ABI2: variants seen among roughly 807,000 people sequenced by gnomAD.
The protein encoded by ABI2 is abelson interactor 2.
Under a neutral mutation model 59.2 loss-of-function variants are expected in ABI2, and 25 were observed. The ratio of observed to expected loss-of-function variants is 0.42; its 90% CI spans 0.31 to 0.59. ABI2 has a LOEUF of 0.59. Ranked by LOEUF, ABI2 falls within the 20% of genes least tolerant of loss-of-function variation. The probability of loss-of-function intolerance (pLI) is 0.14; values close to 1 mark genes in which losing one functional copy is unlikely to be tolerated. For synonymous variants in ABI2, 213 were observed against 235.5 expected (o/e 0.90, Z 0.87); for missense variants, 545 against 681.8 (o/e 0.80, Z 2.23).
chr2:203,358,392 T>TGGGC (rs1437848657), intron 1 of ABI2, among the ~76,000 whole-genome samples: 1 of 152,112 alleles, frequency 6.6e-6, no homozygotes, highest in Non-Finnish European at 1.5e-5. Flanking sequence ...AAGTGATTCT[T>TGGGC]CTGCCTTGTC....
intron 9 of ABI2, among the ~76,000 whole-genome samples, chr2:203,408,170 T>A (rs923112498): frequency 6.6e-6 from 1 of 152,010 alleles, no homozygotes; most frequent in African/African-American, 2.4e-5. Context: ...GTGGACTTTT[T>A]TTTTTTTTTG....
intron 4 of ABI2, among the ~76,000 whole-genome samples, chr2:203,385,329 C>CT (rs2096452755): frequency 1.3e-5 from 2 of 151,134 alleles, no homozygotes; most frequent in South Asian, 4.2e-4. Flanking sequence ...GACGGGGTTT[C>CT]ACCGTGTTAG....
intron 2 of ABI2, 90 bp from the exon 3 acceptor site, chr2:203,380,118 C>A (rs2096015822): frequency 1.4e-6 from 1 of 717,356 alleles, no homozygotes; most frequent in Non-Finnish European, 2.2e-6. Context: ...ATATGAGTAG[C>A]AATATTAAAT....
intron 1 of ABI2, among the ~76,000 whole-genome samples, chr2:203,362,357 C>A (rs1053208536): frequency 2.6e-5 from 4 of 151,994 alleles, no homozygotes; most frequent in African/African-American, 7.3e-5. Flanking sequence ...CTTTTAATAA[C>A]TTCTAATATA....
chr2:203,335,969 C>T (rs1575623213), intron 1 of ABI2, among the ~76,000 whole-genome samples: 2 of 152,130 alleles, frequency 1.3e-5, no homozygotes, highest in East Asian at 3.8e-4. Context: ...CACTACTAGC[C>T]TTTGGTAAAC....
chr2:203,395,636 G>T lies in ABI2; in HGVS notation c.726-20G>T. On this transcript the variant is annotated intron_variant, in intron 6 of 11. Transcript: ENST00000261018. Reference sequence around the variant, plus strand: ...TACTGTTTATAAATACTCATGTTTTGGTGGCTCTTATTTCTTTAGCAGCAG... The same window carrying T: ...TACTGTTTATAAATACTCATGTTTTTGTGGCTCTTATTTCTTTAGCAGCAG... 6.3e-7 allele frequency: 1 copy of T among 1,599,268 alleles called. No homozygotes were observed. The highest frequency in any genetic ancestry group is 8.5e-7 in the Non-Finnish European group (1 of 1,173,538).
intron 6 of ABI2, 150 bp downstream of exon 6, chr2:203,394,996 A>G (rs1579058105): frequency 2.3e-6 from 2 of 885,808 alleles, no homozygotes; most frequent in Non-Finnish European, 3.6e-6. Context: ...CTCTCTCCTC[A>G]TGTTCTGATT....
chr2:203,352,569 G>GA lies in ABI2; in HGVS notation c.118-14298dup, dbSNP rs141657311. Among the ~76,000 whole-genome samples the GA allele has an allele frequency of 9.0e-5, 13 of 144,238 alleles. No individual in the cohort carries two copies. The South Asian group carries it at 1.3e-3, about 15-fold the overall frequency. The allele number at this position is 144,238 out of a possible 152,430, so 94.6% of individuals were successfully genotyped here. On this transcript the variant is annotated intron_variant, in intron 1 of 11. Transcript: ENST00000261018. ...TCGGTTTTTAACAAAAAAAGTTAAA[G>GA]AAAAAAAAAATAGAGAAAAGAGAAA...
chr2:203,342,552 T>TTTTTTTTATTTA (rs1553536730), intron 1 of ABI2, among the ~76,000 whole-genome samples: 2 of 140,398 alleles, frequency 1.4e-5, no homozygotes, highest in South Asian at 2.4e-4. Flanking sequence ...CCTCAAAACC[T>TTTTTTTTATTTA]TTTATTTATT....
chr2:203,386,602 G>T (rs2096531881), intron 4 of ABI2: 3 of 169,998 alleles, frequency 1.8e-5, no homozygotes, highest in Non-Finnish European at 2.3e-5. Flanking sequence ...TTCCCACATT[G>T]ATATTTCTTT....
rs187758460 is a variant in ABI2, at chr2:203,424,121, C to T, written c.1454-3056C>T. On this transcript the variant is annotated intron_variant, in intron 11 of 11. Coordinates refer to ENST00000261018, the MANE Select transcript of ABI2 (RefSeq NM_001375670.1). ...TAATTGGAAAAAGTGACTTTCTTCC[C>T]TATTGCCAAAACCAGTTTTCCAGAC... 3.9e-3 allele frequency among the ~76,000 whole-genome samples: 588 copies of T among 152,254 alleles called. 4 individuals are homozygous for T. The highest frequency in any genetic ancestry group is 3.7e-3 in the South Asian group (18 of 4,820).
At position 203,428,383 on chromosome 2, in the gene ABI2, T is replaced by TG. The variant is rs539641483; in HGVS notation, c.*1032dup. The TG allele has an allele frequency of 1.6e-4, 25 of 152,764 alleles. No homozygotes were observed. Among genetic ancestry groups the TG allele is most frequent in the African/African-American group, 6.0e-4 (25 of 41,574 alleles). The allele number at this position is 152,764 out of a possible 1,614,324, so 9.5% of individuals were successfully genotyped here. On this transcript the variant is annotated 3_prime_UTR_variant, in exon 12 of 12. Coordinates refer to ENST00000261018, the MANE Select transcript of ABI2 (RefSeq NM_001375670.1). ...TCACTGGGAGTACAAGGTTTGCTAA[T>TG]GTGCTCTCTGGACGTTATTAATGGC...
At chr2:203,424,425 C>T (rs760731183) in intron 11 of ABI2, among the ~76,000 whole-genome samples, 5 of 152,138 alleles carry the variant, frequency 3.3e-5, no homozygotes, top group African/African-American at 7.2e-5. Flanking sequence ...ATCAGGGTCT[C>T]GTTCTGTCAC....
rs556388521 is a variant in ABI2, at chr2:203,368,163, C to T, written c.285+1119C>T. 4.4e-4 allele frequency among the ~76,000 whole-genome samples: 67 copies of T among 152,002 alleles called. 1 individual carries two copies. Among genetic ancestry groups the T allele is most frequent in the African/African-American group, 1.5e-3 (63 of 41,448 alleles). On this transcript the variant is annotated intron_variant, in intron 2 of 11. Coordinates refer to ENST00000261018, the MANE Select transcript of ABI2 (RefSeq NM_001375670.1). The stretch of plus-strand genomic sequence containing the variant: ...CATTCTCAGTGGCTGCATAATGTTG[C>T]GTGTATATGTTGTACCTTTCATAAT...
In ABI2 at chr2:203,400,034, A is replaced by G. The variant is rs566803409; in HGVS notation, c.1034-2542A>G. 2.7e-5 allele frequency among the ~76,000 whole-genome samples: 4 copies of G among 148,762 alleles called. No homozygotes were observed. In the East Asian group the frequency reaches 7.8e-4, roughly 29 times the overall value. On this transcript the variant is annotated intron_variant, in intron 8 of 11. Transcript: ENST00000261018. ...ATGATAATTAGGTATATATATTTTT[A>G]AAACCCCAAATGGTAAATCGACTCA...
chr2:203,409,564 C>T (rs182955094), intron 9 of ABI2, among the ~76,000 whole-genome samples: 6 of 152,286 alleles, frequency 3.9e-5, no homozygotes, highest in Admixed American at 1.3e-4. Context: ...TTCATAGTTA[C>T]GAAGGGTAAA....
chr2:203,371,248 T>C (rs1221161214), intron 2 of ABI2, among the ~76,000 whole-genome samples: 1 of 152,244 alleles, frequency 6.6e-6, no homozygotes. Flanking sequence ...ATTACTTTAA[T>C]GTAACTGAAC....
chr2:203,337,744 C>G (rs2077121541), intron 1 of ABI2, among the ~76,000 whole-genome samples: 1 of 152,138 alleles, frequency 6.6e-6, no homozygotes. Flanking sequence ...TATTACAAAG[C>G]TATAGGCCTG....
Position 203,429,026 on chromosome 2 carries a change from C to A in ABI2, c.*1674C>A, listed in dbSNP as rs566469182. 1 of 152,200 alleles carries A rather than the reference C, an allele frequency of 6.6e-6. No individual in the cohort carries two copies. Among genetic ancestry groups the A allele is most frequent in the Non-Finnish European group, 1.5e-5 (1 of 68,040 alleles). 9.4% of individuals were successfully genotyped at this position (152,200 alleles called of 1,614,324 possible). A position where few individuals can be genotyped will look rare whatever the true frequency, so the allele number is the denominator to read the frequency against. On this transcript the variant is annotated 3_prime_UTR_variant, in exon 12 of 12. Coordinates refer to ENST00000261018, the MANE Select transcript of ABI2 (RefSeq NM_001375670.1). ...AATATTCCACTTAATGTTATCTGAG[C>A]ATTAAAAATCATCAGCATTTAACTG... is the stretch of plus-strand genomic sequence containing the variant.
Sources: gnomAD v4.1 joint callset for allele counts (sites outside exome capture counted in the v4.1 genomes callset) on GRCh38, gnomAD v4.1.1 for gene constraint, MANE v1.5 for transcripts, NCBI Gene and HGNC (gene_info 2026-07-23, HGNC 2026-07-21) for gene names.